CLTC: variants seen among roughly 807,000 people sequenced by gnomAD.
CLTC encodes clathrin heavy chain 1.
CLTC carries 16 observed loss-of-function variants against 195.8 expected under a neutral mutation model. The ratio of observed to expected loss-of-function variants is 0.08; its 90% confidence interval spans 0.06 to 0.12. The LOEUF (loss-of-function observed/expected upper bound fraction) is 0.12. CLTC is among the 10% of genes least tolerant of loss of function. The probability of loss-of-function intolerance (pLI) is 1.00; values close to 1 mark genes in which losing one functional copy is unlikely to be tolerated. For missense variants in CLTC, 796 were observed against 2,027.0 expected (o/e 0.39, Z 11.66); for synonymous variants, 667 against 689.4 (o/e 0.97, Z 0.51).
Position 59,681,745 on chromosome 17 carries a change from G to A in CLTC, c.3348G>A (p.Leu1116=), listed in dbSNP as rs772872363. The A allele has an allele frequency of 1.2e-6, 2 of 1,614,066 alleles. No individual in the cohort carries two copies. Residue 1116 remains leucine (L), a synonymous_variant, in exon 21 of 32, where the codon TTG becomes TTA. Transcript: ENST00000269122. The surrounding 1 kb of genome is among the most constrained non-coding windows in gnomAD (Gnocchi z 5.0). The part of the protein sequence containing the change: ...AVWSQLAKAQ[L]QKGMVKEAID... ...GGAGTCAACTTGCAAAAGCCCAGTT[G>A]CAGAAAGGAATGGTGAAAGAAGCCA...
rs1374732860 is a variant in CLTC at position 59,668,862 on chromosome 17, T to C, written c.2214T>C (p.Thr738=). Residue 738 remains threonine, a synonymous_variant, in exon 14 of 32, where the codon ACT becomes ACC. Transcript: ENST00000269122. ...HFKYIQAACK[T]GQIKEVERIC... ...AATATATTCAGGCAGCTTGCAAGAC[T>C]GGGCAAATCAAAGAAGTAGAAAGAA... 1.2e-6 allele frequency: 2 copies of C among 1,613,700 alleles called. No homozygotes were observed. Among genetic ancestry groups the C allele is most frequent in the Admixed American group, 1.7e-5 (1 of 59,960 alleles).
At chr17:59,637,253 T>TC (rs1202911079) in intron 1 of CLTC, among the ~76,000 whole-genome samples, 2 of 151,836 alleles carry the variant, frequency 1.3e-5, no homozygotes, top group Non-Finnish European at 2.9e-5. Context: ...AAGTTTCTTT[T>TC]CTTTTTTTTG....
At position 59,682,549 on chromosome 17, in the gene CLTC, A is replaced by G. The variant is rs1461114150; in HGVS notation, c.3601-80A>G. The stretch of plus-strand genomic sequence containing the variant: ...TCTATAGGAAAACAAATTCTTTCTC[A>G]TTGTGAAGATATCAATTTGAAAAGA... On this transcript the variant is annotated intron_variant, in intron 22 of 31. Transcript: ENST00000269122. The surrounding 1 kb of genome is among the most constrained non-coding windows in gnomAD (Gnocchi z 6.8). 2 of 1,581,378 alleles carry G rather than the reference A, an allele frequency of 1.3e-6. No homozygotes were observed. Among genetic ancestry groups the G allele is most frequent in the African/African-American group, 1.4e-5 (1 of 73,636 alleles).
At chr17:59,637,650 C>A (rs1190500923) in intron 1 of CLTC, among the ~76,000 whole-genome samples, 1 of 147,850 alleles carries the variant, frequency 6.8e-6, no homozygotes, top group Non-Finnish European at 1.5e-5. Context: ...ATCCCTTAAG[C>A]CCAGGAGTTG....
At chr17:59,677,326 G>A (rs904049744) in intron 17 of CLTC, 138 bp downstream of exon 17, 6 of 650,322 alleles carry the variant, frequency 9.2e-6, no homozygotes, top group Non-Finnish European at 7.9e-6. Context: ...GGAAATAATT[G>A]TGAATCTGAA....
rs1192996865 is a variant in CLTC at position 59,684,003 on chromosome 17, T to C, written c.4434+18T>C. ...ATTATCAGGTAAAACCTTTTGATTCTTGCACATAATCTCAAGACTCATAAA... is the reference window on the plus strand; with the variant it reads ...ATTATCAGGTAAAACCTTTTGATTCCTGCACATAATCTCAAGACTCATAAA... On this transcript the variant is annotated intron_variant, in intron 28 of 31. Transcript: ENST00000269122. 4.2e-6 allele frequency: 6 copies of C among 1,420,132 alleles called. No individual in the cohort carries two copies. The highest frequency in any genetic ancestry group is 2.8e-5 in the African/African-American group (2 of 71,036). 88.0% of individuals were successfully genotyped at this position (1,420,132 alleles called of 1,614,324 possible).
At position 59,695,782 on chromosome 17, in the gene CLTC, T is replaced by A. The variant is rs2033406422; in HGVS notation, c.*1930T>A. 5.2e-6 allele frequency: 1 copy of A among 193,188 alleles called. No homozygotes were observed. Among genetic ancestry groups the A allele is most frequent in the Admixed American group, 6.1e-5 (1 of 16,344 alleles). The allele number at this position is 193,188 out of a possible 1,614,324, so 12.0% of individuals were successfully genotyped here. ...CTGCTTTGATTTGTGGGAGGTGCCA[T>A]CAGTTTTCCCCACCACTGCTTTTGC... On this transcript the variant is annotated 3_prime_UTR_variant, in exon 32 of 32. Transcript: ENST00000269122.
At chr17:59,667,879 T>A (rs139801896) in intron 13 of CLTC, among the ~76,000 whole-genome samples, 1 of 152,222 alleles carries the variant, frequency 6.6e-6, no homozygotes, top group African/African-American at 2.4e-5. Context: ...CTCTCTGTAC[T>A]AGTAGTACTC....
At chr17:59,687,092 T>C in intron 30 of CLTC, 1 of 812,486 alleles carries the variant, frequency 1.2e-6, no homozygotes, top group Non-Finnish European at 1.5e-6. Context: ...ATGTTTTTCC[T>C]TCCTCTTCTA....
intron 10 of CLTC, 132 bp from the exon 11 acceptor site, chr17:59,665,971 G>A: frequency 1.8e-6 from 1 of 561,252 alleles, no homozygotes; most frequent in East Asian, 2.8e-5. Flanking sequence ...ATCCCTAGAG[G>A]ACAAAAATTT....
intron 1 of CLTC, among the ~76,000 whole-genome samples, chr17:59,642,438 C>A (rs970664133): frequency 1.3e-5 from 2 of 152,154 alleles, no homozygotes; most frequent in African/African-American, 4.8e-5. Context: ...AGGATTCTTA[C>A]AGCATAACTT....
chr17:59,647,328 C>CA, intron 2 of CLTC, 70 bp from the exon 3 acceptor site: 4 of 1,211,976 alleles, frequency 3.3e-6, no homozygotes, highest in Non-Finnish European at 4.7e-6. Context: ...AGTGACAGAG[C>CA]TAGTCTAGGT....
At chr17:59,651,137 A>G (rs995021186) in intron 4 of CLTC, 66 bp from the exon 5 acceptor site, 17 of 999,544 alleles carry the variant, frequency 1.7e-5, no homozygotes, top group Non-Finnish European at 2.5e-5. Context: ...GGGGGCTACA[A>G]ATAAAGCTGC....
Position 59,648,319 on chromosome 17 carries a change from G to A in CLTC, c.599G>A (p.Ser200Asn), listed in dbSNP as rs1405609591. ...CAGCCCATTGAAGGACATGCAGCTA[G>A]CTTTGCACAGTTTAAGATGGAAGGA... ...VSQPIEGHAASFAQFKMEGNA... is the reference protein window; with the variant it reads ...VSQPIEGHAANFAQFKMEGNA... The change falls in exon 4 of 32, where the codon AGC (serine) becomes AAC (asparagine). Residue 200 changes from serine to asparagine, a missense_variant. By Grantham distance (46) the Ser-to-Asn change is conservative. Coordinates refer to ENST00000269122, the MANE Select transcript of CLTC (RefSeq NM_004859.4). The surrounding 1 kb of genome is among the most constrained non-coding windows in gnomAD (Gnocchi z 4.5). 6.2e-7 allele frequency: 1 copy of A among 1,614,004 alleles called. No homozygotes were observed. Among genetic ancestry groups the A allele is most frequent in the African/African-American group, 1.3e-5 (1 of 74,908 alleles).
At chr17:59,631,969 C>CAAA (rs201741031) in intron 1 of CLTC, among the ~76,000 whole-genome samples, 7 of 127,348 alleles carry the variant, frequency 5.5e-5, no homozygotes, top group Admixed American at 7.9e-5. Flanking sequence ...GACCCTATCT[C>CAAA]AAAAAAAAAA....
At chr17:59,670,510 TA>T (rs1208569294) in intron 14 of CLTC, among the ~76,000 whole-genome samples, 1 of 152,116 alleles carries the variant, frequency 6.6e-6, no homozygotes, top group Non-Finnish European at 1.5e-5. Flanking sequence ...TCTCATCATT[TA>T]TCTCCCACTT....
chr17:59,645,866 T>TG (rs397762103), intron 2 of CLTC, among the ~76,000 whole-genome samples: 3 of 151,606 alleles, frequency 2.0e-5, no homozygotes, highest in Admixed American at 6.6e-5. Context: ...TAAGCTTCCT[T>TG]CAGACTCTTT....
chr17:59,677,745 C>A (rs1296626697), intron 17 of CLTC, among the ~76,000 whole-genome samples: 2 of 152,148 alleles, frequency 1.3e-5, no homozygotes, highest in African/African-American at 4.8e-5. Context: ...GTCTCCTGTA[C>A]TTTGGAATGG....
rs398031234 is a variant in CLTC at position 59,641,999 on chromosome 17, GTTTT to G, written c.43-2256_43-2253del. Among the ~76,000 whole-genome samples the G allele has an allele frequency of 8.0e-3, 1,029 of 128,654 alleles. 12 individuals are homozygous for G. The highest frequency in any genetic ancestry group is 0.029 in the African/African-American group (1,005 of 34,562). The allele number at this position is 128,654 out of a possible 152,430, so 84.4% of individuals were successfully genotyped here. ...CAAGGTGCCAGGCCAAATCTTTGTT[GTTTT>G]TTTTTTTTTTTTTTTTTTTTACAAG... On this transcript the variant is annotated intron_variant, in intron 1 of 31. Transcript: ENST00000269122.
Sources: gnomAD v4.1 joint callset for allele counts (sites outside exome capture counted in the v4.1 genomes callset) on GRCh38, gnomAD v4.1.1 for gene constraint, Gnocchi (gnomAD v3.1) non-coding constraint, MANE v1.5 for transcripts, NCBI Gene and HGNC (gene_info 2026-07-23, HGNC 2026-07-21) for gene names.